ACBD5: variants seen among roughly 807,000 people sequenced by gnomAD.
ACBD5 encodes acyl-CoA binding domain containing 5, also known as acyl-CoA-binding domain-containing protein 5.
A neutral mutation model predicts 71.8 loss-of-function variants in ACBD5; 40 were observed. The observed-to-expected ratio is 0.56, with a 90% CI of 0.43 to 0.72. ACBD5 has a LOEUF of 0.72. ACBD5 is among the 30% of genes least tolerant of loss of function. The probability of loss-of-function intolerance (pLI) is 0.00; values close to 1 mark genes in which losing one functional copy is unlikely to be tolerated. For missense variants in ACBD5, 559 were observed against 644.5 expected (o/e 0.87, Z 1.44); for synonymous variants, 229 against 218.6 (o/e 1.05, Z -0.42).
chr10:27,199,705 G>C (rs2059713895), intron 12 of ACBD5, among the ~76,000 whole-genome samples: 1 of 152,088 alleles, frequency 6.6e-6, no homozygotes, highest in South Asian at 2.1e-4. Flanking sequence ...CAACAAGTTT[G>C]TATTTATTAC....
At position 27,218,182 on chromosome 10, in the gene ACBD5, A is replaced by C; in HGVS notation, c.627T>G (p.Asp209Glu). Residue 209 changes from aspartate (D) to glutamate (E), a missense_variant and splice_region_variant, in exon 7 of 13, where the codon GAT becomes GAG. Physicochemically the swap from Asp to Glu is conservative, Grantham distance 45 (BLOSUM62 2). Transcript: ENST00000396271. ...EVKGAEQSDN[D>E]KKMMKKSADH... is the part of the protein sequence containing the mutation. ...CTGCTGACTTCTTCATCATTTTCTT[A>C]TCTTTTACGAGAAAATGGGAAAGAT... 1 of 1,610,958 alleles carries C rather than the reference A, an allele frequency of 6.2e-7. No individual in the cohort carries two copies. The highest frequency in any genetic ancestry group is 8.5e-7 in the Non-Finnish European group (1 of 1,177,480).
chr10:27,218,841 C>T (rs1278462249), intron 6 of ACBD5, among the ~76,000 whole-genome samples: 7 of 152,112 alleles, frequency 4.6e-5, no homozygotes, highest in Non-Finnish European at 8.8e-5. Flanking sequence ...CCGCCTCGGC[C>T]TCCCAAACTG....
rs562052946 is a variant in ACBD5, at chr10:27,212,279, G to A, written c.937-1198C>T. On this transcript the variant is annotated intron_variant, in intron 8 of 12. Transcript: ENST00000396271. ...CACAAGAATCACTTGAACCCAGGAG[G>A]TGGAGGTTGCAGTGAGCCCAGATTG... Among the ~76,000 whole-genome samples, 4 of 152,320 alleles carry A rather than the reference G, an allele frequency of 2.6e-5. No individual in the cohort carries two copies. In the East Asian group the frequency reaches 7.7e-4, roughly 29 times the overall value.
At chr10:27,201,574 G>C (rs4747590) in intron 12 of ACBD5, among the ~76,000 whole-genome samples, 1 of 152,122 alleles carries the variant, frequency 6.6e-6, no homozygotes, top group Non-Finnish European at 1.5e-5. Flanking sequence ...AAGCCGAGGC[G>C]GCTGGATCAC....
chr10:27,218,068 A>T lies in ACBD5; in HGVS notation c.741T>A (p.Ser247=). ...QDIQNDIHAS[S]SLNGRSTEEV... is the part of the protein sequence containing the mutation. ...CTTCAGTGCTTCTGCCATTCAGGGA[A>T]GAACTGGCATGAATGTCATTCTGTA... The change falls in exon 7 of 13, where the codon TCT becomes TCA. Residue 247 remains serine (S), a synonymous_variant. Coordinates refer to ENST00000396271, the MANE Select transcript of ACBD5 (RefSeq NM_145698.5). The T allele has an allele frequency of 6.2e-7, 1 of 1,614,178 alleles. No individual in the cohort carries two copies.
chr10:27,195,147 T>G, downstream of ACBD5: 3 of 315,996 alleles, frequency 9.5e-6, no homozygotes, highest in Non-Finnish European at 1.2e-5. Flanking sequence ...TATGTGCGAC[T>G]ACTACTTACT....
chr10:27,219,516 T>G (rs2062072243), intron 6 of ACBD5, among the ~76,000 whole-genome samples: 1 of 152,166 alleles, frequency 6.6e-6, no homozygotes, highest in Non-Finnish European at 1.5e-5. Context: ...CAACCTTCAA[T>G]TAACACCTAT....
chr10:27,226,856 G>C (rs1294739301), intron 4 of ACBD5, among the ~76,000 whole-genome samples: 1 of 151,592 alleles, frequency 6.6e-6, no homozygotes. Flanking sequence ...GTTTCACCAT[G>C]TTACCCAGGC....
chr10:27,239,316 C>T (rs1319980888), intron 2 of ACBD5, among the ~76,000 whole-genome samples: 2 of 152,148 alleles, frequency 1.3e-5, no homozygotes, highest in African/African-American at 4.8e-5. Context: ...TATTTAATGG[C>T]CAAAAACTTC....
chr10:27,217,584 G>A (rs753913243), intron 7 of ACBD5, among the ~76,000 whole-genome samples: 17 of 152,096 alleles, frequency 1.1e-4, no homozygotes, highest in Non-Finnish European at 1.6e-4. Flanking sequence ...GGAGGCCAAG[G>A]CAGGCAGATC....
intron 4 of ACBD5, among the ~76,000 whole-genome samples, chr10:27,228,420 AC>A (rs1290384186): frequency 6.6e-6 from 1 of 151,946 alleles, no homozygotes; most frequent in African/African-American, 2.4e-5. Context: ...TACTAAAAAT[AC>A]AAAAAATTAG....
At chr10:27,188,519 G>A (rs2058909158) in intron 13 of ACBD5, among the ~76,000 whole-genome samples, 1 of 152,174 alleles carries the variant, frequency 6.6e-6, no homozygotes, top group Admixed American at 6.5e-5. Context: ...CAATTTAGTT[G>A]CTACCCAGGA....
At chr10:27,193,800 G>A (rs948842077), downstream of ACBD5, among the ~76,000 whole-genome samples, 12 of 152,120 alleles carry the variant, frequency 7.9e-5, no homozygotes, top group African/African-American at 2.9e-4. Context: ...CCCGGCCCTG[G>A]ACTTCTATCT....
upstream of ACBD5, among the ~76,000 whole-genome samples, chr10:27,241,323 T>G (rs1564750687): frequency 6.6e-6 from 1 of 152,206 alleles, no homozygotes; most frequent in Non-Finnish European, 1.5e-5. Flanking sequence ...GTGGCAATCG[T>G]GACACCCACT....
chr10:27,240,537 G>C lies in ACBD5; in HGVS notation c.16-53C>G, dbSNP rs573812093. 190 of 1,555,062 alleles carry C rather than the reference G, an allele frequency of 1.2e-4. 3 individuals are homozygous for C. In the South Asian group the frequency reaches 1.8e-3, roughly 15 times the overall value. On this transcript the variant is annotated intron_variant, in intron 1 of 12. Coordinates refer to ENST00000396271, the MANE Select transcript of ACBD5 (RefSeq NM_145698.5). This position sits in a 1 kb window ranked among gnomAD's most constrained non-coding sequence, Gnocchi z 4.1. ...AACATGCCCCAAAAGGAGGAGGCCC[G>C]GGAGCGAAGCGGGTCAGTTCCCCTT...
chr10:27,230,229 C>G (rs2063675558), intron 4 of ACBD5, among the ~76,000 whole-genome samples: 1 of 151,648 alleles, frequency 6.6e-6, no homozygotes, highest in African/African-American at 2.4e-5. Context: ...AAACTCTGCC[C>G]TTGGTTACAA....
upstream of ACBD5, among the ~76,000 whole-genome samples, chr10:27,241,888 GGACT>G (rs903484375): frequency 6.6e-6 from 1 of 152,074 alleles, no homozygotes; most frequent in Non-Finnish European, 1.5e-5. Flanking sequence ...GTTGGTGGTG[GGACT>G]GACTAGGTTG....
downstream of ACBD5, among the ~76,000 whole-genome samples, chr10:27,190,664 C>T (rs938152580): frequency 2.6e-5 from 4 of 152,188 alleles, no homozygotes; most frequent in Admixed American, 2.0e-4. Context: ...TTACTGTTTA[C>T]ACCAGGTCTT....
Position 27,223,798 on chromosome 10 carries a change from T to C in ACBD5, c.376-346A>G, listed in dbSNP as rs1259984116. Among the ~76,000 whole-genome samples, 5 of 152,106 alleles carry C rather than the reference T, an allele frequency of 3.3e-5. No homozygotes were observed. The East Asian group carries it at 9.6e-4, about 29-fold the overall frequency. ...GGTGGTGTGTGTCTGTGGTCCCAGC[T>C]ACTCCAGAGGCTGAGGTGGGAGGAT... On this transcript the variant is annotated intron_variant, in intron 4 of 12. Coordinates refer to ENST00000396271, the MANE Select transcript of ACBD5 (RefSeq NM_145698.5).
Sources: gnomAD v4.1 joint callset for allele counts (sites outside exome capture counted in the v4.1 genomes callset) on GRCh38, gnomAD v4.1.1 for gene constraint, Gnocchi (gnomAD v3.1) non-coding constraint, MANE v1.5 for transcripts, NCBI Gene and HGNC (gene_info 2026-07-23, HGNC 2026-07-21) for gene names.